Variants in WDR27 observed in about 807,000 individuals in gnomAD.
The protein encoded by WDR27 is WD repeat-containing protein 27.
In WDR27, 100 loss-of-function variants were observed where a neutral mutation model predicts 114.4. The ratio of observed to expected loss-of-function variants is 0.87; its 90% CI spans 0.74 to 1.03. The LOEUF is 1.03. WDR27 is among the 50% of genes least tolerant of loss of function. The pLI is 0.00. For synonymous variants in WDR27, 449 were observed against 423.1 expected, an observed-to-expected ratio of 1.06 and a Z score of -0.75; for missense variants, 1,129 against 1,092.9, an observed-to-expected ratio of 1.03 and a Z score of -0.47.
intron 25 of WDR27, among the ~76,000 whole-genome samples, chr6:169,466,456 G>C (rs962729456): frequency 9.2e-5 from 14 of 152,058 alleles, no homozygotes; most frequent in African/African-American, 3.1e-4. Flanking sequence ...GAGCAAAGGG[G>C]GAAAAACCCC....
chr6:169,632,850 G>T, intron 21 of WDR27, 97 bp downstream of exon 21: 1 of 1,165,746 alleles, frequency 8.6e-7, no homozygotes, highest in Non-Finnish European at 1.1e-6. Context: ...GAATTTGGTA[G>T]CAAACACTTA....
chr6:169,581,855 C>T (rs925848472), intron 24 of WDR27, among the ~76,000 whole-genome samples: 1 of 152,260 alleles, frequency 6.6e-6, no homozygotes, highest in Non-Finnish European at 1.5e-5. Context: ...CACCTGGTCA[C>T]ACGCGCTAGG....
rs369853310 is a variant in WDR27, at chr6:169,668,252, G to A, written c.457-67C>T. On this transcript the variant is annotated intron_variant, in intron 4 of 25. Transcript: ENST00000448612. ...AATTCTCTGTATATAAACCAAGGGTGAAAAGTCAGGTGTCTGAGCTAAGAG... is the reference window on the plus strand; with the variant it reads ...AATTCTCTGTATATAAACCAAGGGTAAAAAGTCAGGTGTCTGAGCTAAGAG... The A allele has an allele frequency of 2.9e-4, 438 of 1,526,020 alleles. 4 individuals are homozygous for A. The East Asian group carries it at 7.9e-3, about 28-fold the overall frequency. The allele number at this position is 1,526,020 out of a possible 1,614,324, so 94.5% of individuals were successfully genotyped here. A position where few individuals can be genotyped will look rare whatever the true frequency, so the allele number is the denominator to read the frequency against.
intron 24 of WDR27, 94 bp from the exon 25 acceptor site, chr6:169,572,634 C>T (rs1801645050): frequency 6.6e-6 from 1 of 150,692 alleles, no homozygotes; most frequent in South Asian, 2.1e-4. Flanking sequence ...ATTCAAAGAG[C>T]AGTAAATTAA....
rs142624621 is a variant in WDR27, at chr6:169,661,206, T to C, written c.1026-440A>G. Among the ~76,000 whole-genome samples, 224 of 152,362 alleles carry C rather than the reference T, an allele frequency of 1.5e-3. 2 individuals are homozygous for C. Among genetic ancestry groups the C allele is most frequent in the Middle Eastern group, 0.014 (4 of 294 alleles). On this transcript the variant is annotated intron_variant, in intron 9 of 25. Coordinates refer to ENST00000448612, the MANE Select transcript of WDR27 (RefSeq NM_182552.5). ...CGCTCGCTCTGACCTCTGTGGTTTC[T>C]ATTTTCTTCTAAGGTTACAGAAAAG...
At chr6:169,484,195 A>G (rs938926813) in intron 25 of WDR27, among the ~76,000 whole-genome samples, 3 of 152,220 alleles carry the variant, frequency 2.0e-5, no homozygotes, top group Admixed American at 1.3e-4. Context: ...CAAGAGAAAG[A>G]AATAAAAGCC....
At chr6:169,581,283 C>G (rs1803374270) in intron 24 of WDR27, among the ~76,000 whole-genome samples, 1 of 152,082 alleles carries the variant, frequency 6.6e-6, no homozygotes, top group African/African-American at 2.4e-5. Flanking sequence ...GTCAGGACAG[C>G]TAACATCTGA....
At chr6:169,490,195 T>C (rs1198032272) in intron 25 of WDR27, among the ~76,000 whole-genome samples, 2 of 152,236 alleles carry the variant, frequency 1.3e-5, no homozygotes, top group Non-Finnish European at 2.9e-5. Context: ...GTAATCATGT[T>C]CTGCCCCCTG....
chr6:169,465,250 C>A (rs1785407743), intron 25 of WDR27, among the ~76,000 whole-genome samples: 1 of 88,524 alleles, frequency 1.1e-5, no homozygotes, highest in Non-Finnish European at 2.0e-5. Flanking sequence ...AAGAGCAAAA[C>A]TCCATCTCAA....
intron 21 of WDR27, among the ~76,000 whole-genome samples, chr6:169,629,927 C>CAAAAAAAAAAAAAAAAAAAAAAATAAAAA (rs747455041): frequency 1.9e-5 from 1 of 52,424 alleles, no homozygotes; most frequent in Non-Finnish European, 4.1e-5. Context: ...AACTTCATCT[C>CAAAAAAAAAAAAAAAAAAAAAAATAAAAA]AAAAAAAAAA....
At chr6:169,563,017 C>T (rs551832667) in intron 25 of WDR27, among the ~76,000 whole-genome samples, 14 of 152,094 alleles carry the variant, frequency 9.2e-5, no homozygotes, top group East Asian at 1.9e-4. Flanking sequence ...AAAGGAGACA[C>T]GCTGGGGCTT....
At position 169,654,719 on chromosome 6, in the gene WDR27, A is replaced by G. The variant is rs189398521; in HGVS notation, c.1403-2711T>C. 2.7e-3 allele frequency among the ~76,000 whole-genome samples: 333 copies of G among 123,538 alleles called. 1 individual carries two copies. Among genetic ancestry groups the G allele is most frequent in the African/African-American group, 9.3e-3 (292 of 31,308 alleles). 81.0% of individuals were successfully genotyped at this position (123,538 alleles called of 152,430 possible). ...GCTGAGGAGGAGGCGCGCACAGGAG[A>G]AGGAGGCGCGCACAGGAGGAGGCGC... is the stretch of plus-strand genomic sequence containing the variant. On this transcript the variant is annotated intron_variant, in intron 13 of 25. Transcript: ENST00000448612.
chr6:169,594,670 T>TA (rs774889927), intron 23 of WDR27, among the ~76,000 whole-genome samples: 1 of 152,250 alleles, frequency 6.6e-6, no homozygotes, highest in Non-Finnish European at 1.5e-5. Context: ...CTTTGCCTCA[T>TA]AATTTTTTGG....
intron 14 of WDR27, among the ~76,000 whole-genome samples, chr6:169,649,576 C>A (rs982189939): frequency 6.6e-6 from 1 of 151,946 alleles, no homozygotes; most frequent in Admixed American, 6.6e-5. Context: ...GCACTCAGGG[C>A]CACCAATGTC....
At chr6:169,446,838 T>C in the WDR27 span, among the ~76,000 whole-genome samples, 1 of 152,224 alleles carries the variant, frequency 6.6e-6, no homozygotes, top group Non-Finnish European at 1.5e-5. Context: ...ATAGCATTCT[T>C]GTATTGAGAG....
intron 13 of WDR27, among the ~76,000 whole-genome samples, chr6:169,652,279 C>T (rs1426533971): frequency 6.6e-6 from 1 of 152,212 alleles, no homozygotes; most frequent in Non-Finnish European, 1.5e-5. Context: ...GACGGAGTCT[C>T]GCTCTATCGC....
intron 2 of WDR27, among the ~76,000 whole-genome samples, chr6:169,683,500 G>A (rs1782077229): frequency 6.6e-6 from 1 of 151,730 alleles, no homozygotes; most frequent in Non-Finnish European, 1.5e-5. Context: ...CGGCTGACTA[G>A]AGACACCTGG....
intron 2 of WDR27, among the ~76,000 whole-genome samples, chr6:169,675,179 T>C (rs1779777343): frequency 6.6e-6 from 1 of 152,128 alleles, no homozygotes. Context: ...GTGTTGGCGG[T>C]AGGGCCTGCT....
At chr6:169,670,791 T>C (rs959600237) in intron 3 of WDR27, 98 bp from the exon 4 acceptor site, 119 of 1,439,422 alleles carry the variant, frequency 8.3e-5, no homozygotes, top group Middle Eastern at 3.6e-4. Flanking sequence ...TATTCTAAAA[T>C]TACTGAGAGA....
Sources: gnomAD v4.1 joint callset for allele counts (sites outside exome capture counted in the v4.1 genomes callset) on GRCh38, gnomAD v4.1.1 for gene constraint, MANE v1.5 for transcripts, NCBI Gene and HGNC (gene_info 2026-07-23, HGNC 2026-07-21) for gene names.